DACH2: variants seen among roughly 807,000 people sequenced by gnomAD.
DACH2 encodes dachshund family transcription factor 2.
In DACH2, 17 loss-of-function variants were observed where a neutral mutation model predicts 35.8. That is an observed-to-expected ratio of 0.48 (90% CI 0.33 to 0.71). DACH2 has a LOEUF of 0.71. DACH2 is among the 30% of genes least tolerant of loss of function. The pLI, the probability that DACH2 is intolerant of heterozygous loss-of-function variation, is 0.02. For missense variants in DACH2, 469 were observed against 472.7 expected, an observed-to-expected ratio of 0.99 and a Z score of 0.07; for synonymous variants, 195 against 177.3, an observed-to-expected ratio of 1.10 and a Z score of -0.79.
intron 7 of DACH2, among the ~76,000 whole-genome samples, chrX:86,812,507 T>C (rs1488747007): frequency 3.6e-5 from 4 of 111,808 alleles, no homozygotes; most frequent in Non-Finnish European, 7.5e-5. Context: ...GATTAATAGA[T>C]TTAGAGAGGA....
chrX:86,689,831 A>T (rs1405478377), intron 4 of DACH2, among the ~76,000 whole-genome samples: 1 of 111,908 alleles, frequency 8.9e-6, no homozygotes, highest in Non-Finnish European at 1.9e-5. Context: ...TATTTTTCCT[A>T]GTAGGTGGCT....
chrX:86,556,791 TATATAGAGAGAGAG>T (rs1290893599), intron 3 of DACH2, among the ~76,000 whole-genome samples: 17 of 35,679 alleles, frequency 4.8e-4, no homozygotes, highest in African/African-American at 1.9e-3. Flanking sequence ...TATATATATA[TATATAGAGAGAGAG>T]AGAGAGAGAG....
At chrX:86,341,029 T>A (rs1224446205) in intron 1 of DACH2, among the ~76,000 whole-genome samples, 2 of 112,268 alleles carry the variant, frequency 1.8e-5, no homozygotes, top group Non-Finnish European at 3.8e-5. Flanking sequence ...CAGCAGGTGC[T>A]GATTTAGAAT....
At chrX:86,330,531 A>G (rs2035193717) in intron 1 of DACH2, among the ~76,000 whole-genome samples, 1 of 111,721 alleles carries the variant, frequency 9.0e-6, no homozygotes, top group African/African-American at 3.2e-5. Context: ...AAGGTGCAAG[A>G]GCTTGGTCTT....
At chrX:86,220,834 G>T (rs2032693627) in intron 1 of DACH2, among the ~76,000 whole-genome samples, 1 of 111,931 alleles carries the variant, frequency 8.9e-6, no homozygotes, top group South Asian at 3.7e-4. Context: ...AATATCCATT[G>T]TAGTGTATAA....
intron 2 of DACH2, among the ~76,000 whole-genome samples, chrX:86,401,094 C>T (rs891643848): frequency 9.8e-5 from 11 of 112,016 alleles, no homozygotes; most frequent in African/African-American, 3.6e-4. Context: ...GCTCCTCCCC[C>T]AGCCTCGCTA....
intron 7 of DACH2, among the ~76,000 whole-genome samples, chrX:86,750,340 T>A (rs1373003412): frequency 8.9e-6 from 1 of 112,256 alleles, no homozygotes; most frequent in Non-Finnish European, 1.9e-5. Context: ...GCTGTATCTA[T>A]CAAGATGACA....
intron 3 of DACH2, among the ~76,000 whole-genome samples, chrX:86,642,592 T>C (rs990944951): frequency 4.5e-5 from 5 of 111,794 alleles, no homozygotes; most frequent in African/African-American, 1.6e-4. Context: ...AAACTCAGCA[T>C]TGGACCAAAT....
chrX:86,610,359 CTTCCTCTTTCTT>C (rs2039916175), intron 3 of DACH2, among the ~76,000 whole-genome samples: 1 of 89,777 alleles, frequency 1.1e-5, no homozygotes, highest in Non-Finnish European at 2.2e-5. Flanking sequence ...TCCTTCCTTC[CTTCCTCTTTCTT>C]TCTTTCTTTC....
chrX:86,520,604 T>A (rs917545192), intron 3 of DACH2, among the ~76,000 whole-genome samples: 2 of 111,786 alleles, frequency 1.8e-5, no homozygotes, highest in Non-Finnish European at 3.8e-5. Flanking sequence ...AGTGCATATA[T>A]ATTTAGGATA....
intron 1 of DACH2, among the ~76,000 whole-genome samples, chrX:86,297,221 G>A (rs887828285): frequency 3.6e-5 from 4 of 109,900 alleles, no homozygotes; most frequent in African/African-American, 1.3e-4. Context: ...ACATTCTTTT[G>A]GGCATTCTTT....
At chrX:86,547,747 G>A (rs1461094218) in intron 3 of DACH2, among the ~76,000 whole-genome samples, 1 of 111,962 alleles carries the variant, frequency 8.9e-6, no homozygotes, top group Non-Finnish European at 1.9e-5. Context: ...GTTACTTGAG[G>A]ATGTAAAATG....
At chrX:86,704,325 C>T (rs2041183136) in intron 5 of DACH2, among the ~76,000 whole-genome samples, 1 of 111,121 alleles carries the variant, frequency 9.0e-6, no homozygotes, top group Non-Finnish European at 1.9e-5. Context: ...AAATCTAAGA[C>T]CTCGATTAAT....
At chrX:86,262,098 T>A (rs2033636461) in intron 1 of DACH2, among the ~76,000 whole-genome samples, 1 of 100,880 alleles carries the variant, frequency 9.9e-6, no homozygotes, top group East Asian at 3.2e-4. Flanking sequence ...CTGTTCAACA[T>A]GGCAAGATCC....
chrX:86,154,966 GCTA>G (rs2030494395), intron 1 of DACH2, among the ~76,000 whole-genome samples: 1 of 111,306 alleles, frequency 9.0e-6, no homozygotes, highest in Admixed American at 9.6e-5. Context: ...CAATACTCAT[GCTA>G]TATTGTGAAC....
Position 86,816,038 on chromosome X carries a change from T to C in DACH2, c.1689T>C (p.Thr563=). 1 of 1,178,135 alleles carries C rather than the reference T, an allele frequency of 8.5e-7. No individual in the cohort carries two copies. Among genetic ancestry groups the C allele is most frequent in the Non-Finnish European group, 1.1e-6 (1 of 875,993 alleles). The part of the protein sequence containing the change: ...SDSGLRMLKD[T]GIPDIEIENN... ...CTTGCATGTCATTTATTTCAGATACTGGAATTCCAGATATTGAAATAGAAA... is the reference window on the plus strand; with the variant it reads ...CTTGCATGTCATTTATTTCAGATACCGGAATTCCAGATATTGAAATAGAAA... The change falls in exon 11 of 12, where the codon ACT becomes ACC. Residue 563 remains threonine (T), a synonymous_variant. Coordinates refer to ENST00000373125, the MANE Select transcript of DACH2 (RefSeq NM_053281.3).
chrX:86,350,088 A>T (rs2148071188), intron 1 of DACH2, among the ~76,000 whole-genome samples: 1 of 112,146 alleles, frequency 8.9e-6, no homozygotes, highest in South Asian at 3.8e-4. Flanking sequence ...GAATTGCTCC[A>T]ACCTGGGAGG....
chrX:86,654,462 T>A (rs1342987256), intron 4 of DACH2, among the ~76,000 whole-genome samples: 4 of 88,390 alleles, frequency 4.5e-5, no homozygotes, highest in Non-Finnish European at 9.5e-5. Flanking sequence ...CATGTAAAAT[T>A]ACAATTTTCA....
At chrX:86,417,016 C>A (rs1277715394) in intron 2 of DACH2, among the ~76,000 whole-genome samples, 1 of 97,672 alleles carries the variant, frequency 1.0e-5, no homozygotes, top group Non-Finnish European at 2.0e-5. Context: ...ATCCCTTGAA[C>A]CTGGGAGGTG....
Sources: gnomAD v4.1 joint callset for allele counts (sites outside exome capture counted in the v4.1 genomes callset) on GRCh38, gnomAD v4.1.1 for gene constraint, MANE v1.5 for transcripts, NCBI Gene and HGNC (gene_info 2026-07-23, HGNC 2026-07-21) for gene names.